The following UTRN variants were observed in gnomAD, a reference collection of about 807,000 sequenced individuals.
UTRN encodes utrophin.
A neutral mutation model predicts 463.9 loss-of-function variants in UTRN; 283 were observed. The ratio of observed to expected loss-of-function variants is 0.61; its 90% CI spans 0.55 to 0.67. The LOEUF is 0.67. Ranked by LOEUF, UTRN falls within the 30% of genes least tolerant of loss-of-function variation. UTRN has a pLI of 0.00. For synonymous variants in UTRN, 1,442 were observed against 1,431.5 expected, an observed-to-expected ratio of 1.01 and a Z score of -0.17; for missense variants, 3,922 against 4,084.3, an observed-to-expected ratio of 0.96 and a Z score of 1.08.
In UTRN at chr6:144,690,087, T is replaced by TGTGTGTGTG. The variant is rs1320702930; in HGVS notation, c.7653-10000_7653-9999insGTGTGTGTG. The stretch of plus-strand genomic sequence containing the variant: ...CCAAAAGTTTCTGTTTTTTTTTTTT[T>TGTGTGTGTG]TTTTTTTTTGTGTGTGTGTGTGTGT... On this transcript the variant is annotated intron_variant, in intron 52 of 74. Coordinates refer to ENST00000367545, the MANE Select transcript of UTRN (RefSeq NM_007124.3). Among the ~76,000 whole-genome samples, 6 of 41,330 alleles carry TGTGTGTGTG rather than the reference T, an allele frequency of 1.5e-4. No individual in the cohort carries two copies. The Admixed American group carries it at 1.8e-3, about 13-fold the overall frequency. The allele number at this position is 41,330 out of a possible 152,430, so 27.1% of individuals were successfully genotyped here.
chr6:144,561,129 CA>C (rs1346464749), intron 50 of UTRN, among the ~76,000 whole-genome samples: 1 of 147,442 alleles, frequency 6.8e-6, no homozygotes, highest in Non-Finnish European at 1.5e-5. Flanking sequence ...ATAGCACAGT[CA>C]GTGTGGATGC....
intron 68 of UTRN, 38 bp downstream of exon 68, chr6:144,827,714 A>C (rs1027790261): frequency 6.3e-7 from 1 of 1,592,948 alleles, no homozygotes; most frequent in East Asian, 2.2e-5. Flanking sequence ...CTGCACTGCC[A>C]CCCAGAATGT....
rs79561205 is a variant in UTRN, at chr6:144,317,344, G to A, written c.79+25437G>A. On this transcript the variant is annotated intron_variant, in intron 2 of 74. Transcript: ENST00000367545. ...AAAAAAGAGAGATTGCAGGAAGTTC[G>A]CCAACGATTTGCCTTAATCCTGAAG... Among the ~76,000 whole-genome samples, 77 of 152,214 alleles carry A rather than the reference G, an allele frequency of 5.1e-4. 3 individuals are homozygous for A. The East Asian group carries it at 0.013, about 27-fold the overall frequency.
chr6:144,695,677 A>G (rs1051167991), intron 52 of UTRN, among the ~76,000 whole-genome samples: 1 of 152,198 alleles, frequency 6.6e-6, no homozygotes, highest in Non-Finnish European at 1.5e-5. Context: ...AACATGCTAC[A>G]TCTCCTTTAG....
At chr6:144,516,111 C>A in intron 37 of UTRN, 118 bp from the exon 38 acceptor site, 1 of 1,010,952 alleles carries the variant, frequency 9.9e-7, no homozygotes. Context: ...GTTAGCTGAG[C>A]TGAATAGAAA....
chr6:144,653,936 C>A (rs144631463), intron 51 of UTRN, among the ~76,000 whole-genome samples: 279 of 152,262 alleles, frequency 1.8e-3, no homozygotes, highest in African/African-American at 6.5e-3. Context: ...TACTGATTTC[C>A]ATGAAAGGTG....
chr6:144,610,148 T>G (rs937753759), intron 51 of UTRN, among the ~76,000 whole-genome samples: 3 of 144,652 alleles, frequency 2.1e-5, no homozygotes, highest in Non-Finnish European at 4.6e-5. Context: ...TAAGAGATTC[T>G]TTTTTGAAAA....
intron 2 of UTRN, 77 bp from the exon 3 acceptor site, chr6:144,403,046 A>G (rs758549246): frequency 2.4e-4 from 321 of 1,317,564 alleles, no homozygotes; most frequent in Non-Finnish European, 3.0e-4. Flanking sequence ...TCCAGGATAG[A>G]GATAACCTTA....
At chr6:144,340,682 A>G (rs556334388) in intron 2 of UTRN, among the ~76,000 whole-genome samples, 43 of 152,330 alleles carry the variant, frequency 2.8e-4, no homozygotes, top group African/African-American at 1.0e-3. Flanking sequence ...TGTCAACACT[A>G]GATTGAATAA....
intron 43 of UTRN, among the ~76,000 whole-genome samples, chr6:144,534,523 A>C (rs1797358389): frequency 6.6e-6 from 1 of 152,258 alleles, no homozygotes; most frequent in South Asian, 2.1e-4. Flanking sequence ...TAAATGCAAT[A>C]GTGTTTGGAA....
chr6:144,746,984 C>T (rs1285728048), intron 54 of UTRN, among the ~76,000 whole-genome samples: 1 of 152,164 alleles, frequency 6.6e-6, no homozygotes, highest in Non-Finnish European at 1.5e-5. Context: ...GAGAGACAAA[C>T]ATATGTGTTC....
At chr6:144,288,421 G>A (rs1361603273) in intron 1 of UTRN, among the ~76,000 whole-genome samples, 2 of 151,628 alleles carry the variant, frequency 1.3e-5, no homozygotes, top group Admixed American at 6.6e-5. Flanking sequence ...AAGACCAATA[G>A]TGAAGAAAAG....
intron 61 of UTRN, among the ~76,000 whole-genome samples, chr6:144,784,849 GA>G (rs1205490171): frequency 2.6e-5 from 4 of 152,106 alleles, no homozygotes; most frequent in East Asian, 3.9e-4. Flanking sequence ...CATTTTAAAG[GA>G]AAAAAATCTT....
intron 53 of UTRN, chr6:144,708,371 AT>A: frequency 1.5e-6 from 1 of 655,108 alleles, no homozygotes; most frequent in Non-Finnish European, 2.9e-6. Context: ...AAAGAGTGCC[AT>A]TTTTTAGATA....
At chr6:144,634,442 C>T (rs207467491) in intron 51 of UTRN, among the ~76,000 whole-genome samples, 1 of 152,058 alleles carries the variant, frequency 6.6e-6, no homozygotes, top group African/African-American at 2.4e-5. Flanking sequence ...GCTGGGATGG[C>T]GTAAGTTCTT....
In UTRN at chr6:144,403,293, T is replaced by A. The variant is rs972303948; in HGVS notation, c.141+109T>A. On this transcript the variant is annotated intron_variant, in intron 3 of 74. Transcript: ENST00000367545. ...CCCAGGAAATGTCACCTAGCCGAAG[T>A]CTTCTGAGTATGCAGATACATTTGT... 15 of 903,696 alleles carry A rather than the reference T, an allele frequency of 1.7e-5. No homozygotes were observed. In the African/African-American group the frequency reaches 2.2e-4, roughly 13 times the overall value. 56.0% of individuals were successfully genotyped at this position (903,696 alleles called of 1,614,324 possible).
At chr6:144,794,922 G>A (rs955012860) in intron 63 of UTRN, among the ~76,000 whole-genome samples, 1 of 152,116 alleles carries the variant, frequency 6.6e-6, no homozygotes, top group African/African-American at 2.4e-5. Flanking sequence ...TGCAGAACGT[G>A]CAGGTTTGTT....
intron 28 of UTRN, among the ~76,000 whole-genome samples, chr6:144,485,983 C>T (rs1164065652): frequency 6.6e-6 from 1 of 152,202 alleles, no homozygotes; most frequent in African/African-American, 2.4e-5. Context: ...AGCTTGTCTT[C>T]AAGCCTGGAT....
rs778822683 is a variant in UTRN at position 144,436,163 on chromosome 6, G to A, written c.1059+25G>A. ...AGTAAATATCTGTAGTTTCTTAGCA[G>A]GGTGTGTCCCCCACGGGACCTGAGC... On this transcript the variant is annotated intron_variant, in intron 10 of 74. Coordinates refer to ENST00000367545, the MANE Select transcript of UTRN (RefSeq NM_007124.3). 12 of 1,602,804 alleles carry A rather than the reference G, an allele frequency of 7.5e-6. No homozygotes were observed. In the South Asian group the frequency reaches 1.3e-4, roughly 18 times the overall value.
Sources: allele counts gnomAD v4.1 joint callset (sites outside exome capture counted in the v4.1 genomes callset), GRCh38; gene constraint gnomAD v4.1.1; transcripts MANE v1.5; gene names NCBI Gene and HGNC (gene_info 2026-07-23, HGNC 2026-07-21).